Variants in ESRRG observed in about 807,000 individuals in gnomAD.
The protein encoded by ESRRG is estrogen related receptor gamma, also known as estrogen-related receptor gamma.
In ESRRG, 13 loss-of-function variants were observed where a neutral mutation model predicts 44.0. The ratio of observed to expected loss-of-function variants is 0.30; its 90% CI spans 0.19 to 0.47. The LOEUF (loss-of-function observed/expected upper bound fraction) is 0.47, where lower values mean the gene tolerates loss of function less well. ESRRG is among the 20% of genes least tolerant of loss of function. ESRRG has a pLI of 1.00. For synonymous variants in ESRRG, 215 were observed against 214.6 expected (o/e 1.00, Z -0.02); for missense variants, 395 against 580.6 (o/e 0.68, Z 3.29).
intron 3 of ESRRG, among the ~76,000 whole-genome samples, chr1:216,648,327 G>A (rs1446914502): frequency 6.6e-6 from 1 of 152,110 alleles, no homozygotes; most frequent in Non-Finnish European, 1.5e-5. Context: ...GGGAGGTGGG[G>A]GGAGGTGGTT....
intron 2 of ESRRG, among the ~76,000 whole-genome samples, chr1:216,671,475 C>T (rs2133123): frequency 0.56 from 84,378 of 152,018 alleles, 25,234 homozygotes; most frequent in Middle Eastern, 0.71. Flanking sequence ...CTAGATTACA[C>T]GAACCATCCA....
At chr1:217,122,219 T>C (rs540623121) in intron 1 of ESRRG, among the ~76,000 whole-genome samples, 6 of 152,312 alleles carry the variant, frequency 3.9e-5, no homozygotes, top group African/African-American at 1.4e-4. Context: ...AGTAGAGATA[T>C]CCAAGAGACA....
intron 2 of ESRRG, among the ~76,000 whole-genome samples, chr1:216,751,265 G>GTCA (rs2091979662): frequency 6.6e-6 from 1 of 152,128 alleles, no homozygotes; most frequent in Admixed American, 6.6e-5. Context: ...TGAGGCTGTT[G>GTCA]TCATATTAGA....
intron 1 of ESRRG, among the ~76,000 whole-genome samples, chr1:217,053,462 A>AC: frequency 2.0e-5 from 2 of 97,852 alleles, no homozygotes; most frequent in Non-Finnish European, 4.1e-5. Flanking sequence ...CCCAAAGCCA[A>AC]AAAAAAGAAA....
intron 2 of ESRRG, among the ~76,000 whole-genome samples, chr1:216,743,526 T>G (rs1320739784): frequency 1.3e-5 from 2 of 152,176 alleles, no homozygotes; most frequent in Non-Finnish European, 2.9e-5. Flanking sequence ...TAATAGCATG[T>G]TTTGAAGGCA....
intron 2 of ESRRG, among the ~76,000 whole-genome samples, chr1:216,657,481 G>C (rs901974042): frequency 6.6e-6 from 1 of 152,066 alleles, no homozygotes; most frequent in African/African-American, 2.4e-5. Flanking sequence ...TCACCCAAAC[G>C]TATTGCCCTT....
In ESRRG at chr1:216,547,032, C is replaced by T. The variant is rs200164492; in HGVS notation, c.862+17187G>A. ...ATGTGTTCTCATTGTTCAACTCCCA[C>T]TTATGAGTGGGTGAGAACATGCTCA... On this transcript the variant is annotated intron_variant, in intron 5 of 6. Coordinates refer to ENST00000408911, the MANE Select transcript of ESRRG (RefSeq NM_001438.4). Among the ~76,000 whole-genome samples the T allele has an allele frequency of 7.9e-5, 12 of 152,060 alleles. No homozygotes were observed. In the East Asian group the frequency reaches 1.9e-3, roughly 25 times the overall value.
intron 3 of ESRRG, among the ~76,000 whole-genome samples, chr1:216,590,746 C>T (rs971919481): frequency 2.6e-5 from 4 of 151,900 alleles, no homozygotes; most frequent in Admixed American, 6.6e-5. Context: ...ACTACAAACC[C>T]GGTTTTGTTT....
chr1:216,564,590 C>G (rs2059354867), intron 4 of ESRRG, among the ~76,000 whole-genome samples: 1 of 151,444 alleles, frequency 6.6e-6, no homozygotes, highest in Admixed American at 6.6e-5. Flanking sequence ...AGAATGTAGT[C>G]TTTTTTTTTC....
At chr1:216,611,172 T>C (rs1457562199) in intron 3 of ESRRG, among the ~76,000 whole-genome samples, 2 of 123,134 alleles carry the variant, frequency 1.6e-5, no homozygotes, top group African/African-American at 6.6e-5. Flanking sequence ...CAATGCACTC[T>C]AGCCTGGGCA....
At chr1:216,868,947 C>T (rs953926871) in intron 2 of ESRRG, among the ~76,000 whole-genome samples, 1 of 151,974 alleles carries the variant, frequency 6.6e-6, no homozygotes, top group African/African-American at 2.4e-5. Context: ...TTGTAAATTC[C>T]TTATTTACTC....
intron 2 of ESRRG, among the ~76,000 whole-genome samples, chr1:216,732,432 A>G (rs1055522965): frequency 2.0e-5 from 3 of 150,334 alleles, no homozygotes; most frequent in Admixed American, 1.3e-4. Flanking sequence ...GCTGGTGTGC[A>G]GTGGCACAAT....
intron 1 of ESRRG, among the ~76,000 whole-genome samples, chr1:217,095,315 C>T (rs569079037): frequency 1.8e-4 from 27 of 152,288 alleles, no homozygotes; most frequent in African/African-American, 6.3e-4. Context: ...TTTTACTTAA[C>T]TGACATGGGA....
intron 2 of ESRRG, among the ~76,000 whole-genome samples, chr1:216,790,138 A>G (rs1426130033): frequency 3.3e-5 from 5 of 152,174 alleles, no homozygotes; most frequent in Non-Finnish European, 7.4e-5. Flanking sequence ...GATCTCCTAA[A>G]TAACTGTGAG....
Position 216,519,296 on chromosome 1 carries a change from A to G in ESRRG, c.988T>C (p.Tyr330His). The change falls in exon 6 of 7, where the codon TAT (tyrosine) becomes CAT (histidine). Residue 330 changes from tyrosine (Y) to histidine (H), a missense_variant. By Grantham distance (83) the Tyr-to-His change is moderately conservative (BLOSUM62 2). Coordinates refer to ENST00000408911, the MANE Select transcript of ESRRG (RefSeq NM_001438.4). Reference protein sequence around the residue: ...FEDELVYADDYIMDEDQSKLA... With the variant: ...FEDELVYADDHIMDEDQSKLA... ...TTGGACTGGTCTTCGTCCATTATAT[A>G]ATCGTCTGCATAGACAAGTTCATCC... The G allele has an allele frequency of 6.2e-7, 1 of 1,613,900 alleles. No individual in the cohort carries two copies. The highest frequency in any genetic ancestry group is 8.5e-7 in the Non-Finnish European group (1 of 1,179,856).
At chr1:216,557,830 A>G (rs1398317224) in intron 5 of ESRRG, among the ~76,000 whole-genome samples, 1 of 152,200 alleles carries the variant, frequency 6.6e-6, no homozygotes, top group Non-Finnish European at 1.5e-5. Context: ...AATTTCCCAT[A>G]GTACAAAGTG....
At chr1:216,831,122 T>C (rs934418358) in intron 2 of ESRRG, among the ~76,000 whole-genome samples, 3 of 152,016 alleles carry the variant, frequency 2.0e-5, no homozygotes, top group African/African-American at 7.2e-5. Context: ...AGGGTAATTT[T>C]ATACATGGCA....
chr1:216,951,215 T>C (rs77592468), intron 1 of ESRRG, among the ~76,000 whole-genome samples: 4,068 of 152,318 alleles, frequency 0.027, 58 homozygotes, highest in Middle Eastern at 0.065. Context: ...CAATAAACTA[T>C]ACTTTGAACA....
At chr1:217,087,656 T>C (rs2092160070) in intron 1 of ESRRG, among the ~76,000 whole-genome samples, 2 of 152,200 alleles carry the variant, frequency 1.3e-5, no homozygotes, top group African/African-American at 4.8e-5. Flanking sequence ...AACAATCTTC[T>C]ATCTCCATTC....
Sources: gnomAD v4.1 joint callset for allele counts (sites outside exome capture counted in the v4.1 genomes callset) on GRCh38, gnomAD v4.1.1 for gene constraint, MANE v1.5 for transcripts, NCBI Gene and HGNC (gene_info 2026-07-23, HGNC 2026-07-21) for gene names.